PRELID2: variants seen among roughly 807,000 people sequenced by gnomAD.
PRELID2 encodes the protein PRELI domain-containing protein 2.
PRELID2 carries 25 observed loss-of-function variants against 28.4 expected under a neutral mutation model. The observed-to-expected ratio is 0.88, with a 90% CI of 0.64 to 1.23. The LOEUF (loss-of-function observed/expected upper bound fraction) is 1.23, where lower values mean the gene tolerates loss of function less well. Ranked by LOEUF, PRELID2 falls within the 50% of genes most tolerant of loss-of-function variation. The pLI is 0.00. For missense variants in PRELID2, 201 were observed against 214.4 expected, an observed-to-expected ratio of 0.94 and a Z score of 0.39; for synonymous variants, 76 against 71.6, an observed-to-expected ratio of 1.06 and a Z score of -0.31.
chr5:145,360,084 T>A, the PRELID2 span, among the ~76,000 whole-genome samples: 3 of 152,106 alleles, frequency 2.0e-5, no homozygotes, highest in Non-Finnish European at 4.4e-5. Flanking sequence ...GAAGAGACTA[T>A]ATCACTAGGG....
At chr5:145,297,842 C>A in the PRELID2 span, among the ~76,000 whole-genome samples, 1 of 151,722 alleles carries the variant, frequency 6.6e-6, no homozygotes, top group African/African-American at 2.4e-5. Flanking sequence ...AACAGAGAGC[C>A]AAATCATGAG....
At chr5:145,769,047 G>T (rs969921409) in intron 5 of PRELID2, among the ~76,000 whole-genome samples, 1 of 152,124 alleles carries the variant, frequency 6.6e-6, no homozygotes, top group African/African-American at 2.4e-5. Context: ...AAGTTCCAAC[G>T]CTTAAATCTC....
intron 4 of PRELID2, among the ~76,000 whole-genome samples, chr5:145,797,056 T>C (rs963575137): frequency 7.9e-5 from 12 of 152,132 alleles, no homozygotes; most frequent in Non-Finnish European, 1.6e-4. Flanking sequence ...CAATCCTCGA[T>C]TGGAGAAGGG....
At chr5:145,689,688 G>C (rs1755106076) in intron 1 of PRELID2, among the ~76,000 whole-genome samples, 1 of 152,022 alleles carries the variant, frequency 6.6e-6, no homozygotes, top group Non-Finnish European at 1.5e-5. Context: ...GGAGAGGGGA[G>C]CAAAAAAAGG....
At chr5:145,832,600 T>A (rs1245041201) in intron 1 of PRELID2, among the ~76,000 whole-genome samples, 1 of 152,170 alleles carries the variant, frequency 6.6e-6, no homozygotes, top group African/African-American at 2.4e-5. Context: ...TGTGTTAAAA[T>A]CCTGGCTGTC....
the PRELID2 span, among the ~76,000 whole-genome samples, chr5:145,401,711 G>T: frequency 2.0e-5 from 3 of 152,124 alleles, no homozygotes; most frequent in Non-Finnish European, 4.4e-5. Flanking sequence ...CTATGGACTT[G>T]ATGTGCACAT....
chr5:145,443,850 C>T, the PRELID2 span, among the ~76,000 whole-genome samples: 2 of 151,966 alleles, frequency 1.3e-5, no homozygotes, highest in African/African-American at 4.8e-5. Flanking sequence ...TATTTTTGCC[C>T]AGTGTCTTTT....
the PRELID2 span, among the ~76,000 whole-genome samples, chr5:145,438,926 A>C: frequency 6.6e-6 from 1 of 152,082 alleles, no homozygotes; most frequent in South Asian, 2.1e-4. Context: ...CTTGAGACTT[A>C]CCACCCATAA....
chr5:145,568,736 T>A (rs1457776106), intron 1 of PRELID2, among the ~76,000 whole-genome samples: 2 of 152,254 alleles, frequency 1.3e-5, no homozygotes, highest in East Asian at 1.9e-4. Context: ...AGATTTCTGT[T>A]GCAGCCAGCT....
chr5:145,715,702 C>T (rs999081786), intron 1 of PRELID2, among the ~76,000 whole-genome samples: 1 of 152,170 alleles, frequency 6.6e-6, no homozygotes, highest in African/African-American at 2.4e-5. Context: ...TGGCTTCCAC[C>T]TTAAAGCCTT....
intron 1 of PRELID2, among the ~76,000 whole-genome samples, chr5:145,629,470 G>C (rs1753902269): frequency 6.6e-6 from 1 of 152,236 alleles, no homozygotes; most frequent in Non-Finnish European, 1.5e-5. Flanking sequence ...GAGCATGCCT[G>C]CCTGTGGGAA....
chr5:145,459,007 A>T, the PRELID2 span, among the ~76,000 whole-genome samples: 1 of 152,216 alleles, frequency 6.6e-6, no homozygotes, highest in East Asian at 1.9e-4. Flanking sequence ...TTCTGCTATG[A>T]AACTCCTTGG....
chr5:145,311,972 AC>A, the PRELID2 span, among the ~76,000 whole-genome samples: 1 of 152,168 alleles, frequency 6.6e-6, no homozygotes, highest in Admixed American at 6.5e-5. Flanking sequence ...ATATGTATAC[AC>A]TGTGAAATGA....
chr5:145,615,464 C>T (rs1446646227), intron 1 of PRELID2, among the ~76,000 whole-genome samples: 2 of 142,392 alleles, frequency 1.4e-5, no homozygotes, highest in Non-Finnish European at 3.0e-5. Context: ...GTAGCTGGGA[C>T]TACAGGTGCC....
At chr5:145,314,024 T>C in the PRELID2 span, among the ~76,000 whole-genome samples, 3 of 152,206 alleles carry the variant, frequency 2.0e-5, no homozygotes, top group Admixed American at 6.5e-5. Flanking sequence ...TATGTACTTA[T>C]GTTATGCTAT....
chr5:145,735,822 C>A lies in PRELID2; in HGVS notation n.70+29109G>T, dbSNP rs546046922. Among the ~76,000 whole-genome samples, 4 of 152,250 alleles carry A rather than the reference C, an allele frequency of 2.6e-5. No individual in the cohort carries two copies. The East Asian group carries it at 7.7e-4, about 29-fold the overall frequency. On this transcript the variant is annotated intron_variant and non_coding_transcript_variant, in intron 1 of 2. Coordinates refer to the PRELID2 transcript ENST00000510259. ...TGGAAGTGCTTAATCAACTAAAGCA[C>A]CCTCTACAGATGTAAGGGATTGCAA...
chr5:145,461,339 C>T, the PRELID2 span, among the ~76,000 whole-genome samples: 2 of 6,170 alleles, frequency 3.2e-4, no homozygotes, highest in South Asian at 0.01. Context: ...CTCGCTCTGT[C>T]GCCCAGGCTG....
the PRELID2 span, among the ~76,000 whole-genome samples, chr5:145,457,502 G>A: frequency 4.4e-4 from 67 of 152,254 alleles, no homozygotes; most frequent in African/African-American, 1.6e-3. Context: ...AGTCTACACT[G>A]GGGAGTAAAT....
At chr5:145,797,453 C>T (rs1016775785) in intron 4 of PRELID2, among the ~76,000 whole-genome samples, 3 of 152,074 alleles carry the variant, frequency 2.0e-5, no homozygotes, top group African/African-American at 7.2e-5. Context: ...TAGAAAAGTG[C>T]TAACTGTGCA....
Sources: gnomAD v4.1 joint callset for allele counts (sites outside exome capture counted in the v4.1 genomes callset) on GRCh38, gnomAD v4.1.1 for gene constraint, MANE v1.5 for transcripts, NCBI Gene and HGNC (gene_info 2026-07-23, HGNC 2026-07-21) for gene names.